TXNL4A: variants seen among roughly 807,000 people sequenced by gnomAD.
The protein encoded by TXNL4A is thioredoxin like 4A, also known as thioredoxin-like protein 4A.
In TXNL4A, 17 loss-of-function variants were observed where a neutral mutation model predicts 14.6. The ratio of observed to expected loss-of-function variants is 1.16; its 90% CI spans 0.80 to 1.74. The LOEUF (loss-of-function observed/expected upper bound fraction) is 1.74. Ranked by LOEUF, TXNL4A falls within the 40% of genes most tolerant of loss-of-function variation. TXNL4A has a pLI of 0.00. For missense variants in TXNL4A, 74 were observed against 195.2 expected, an observed-to-expected ratio of 0.38 and a Z score of 3.70; for synonymous variants, 83 against 70.6, an observed-to-expected ratio of 1.18 and a Z score of -0.88.
intron 1 of TXNL4A, chr18:79,986,521 T>C: frequency 1.0e-6 from 1 of 955,770 alleles, no homozygotes; most frequent in Non-Finnish European, 1.2e-6. Context: ...AGTGATACAG[T>C]GATTCATTCT....
intron 1 of TXNL4A, among the ~76,000 whole-genome samples, chr18:80,005,247 C>G (rs1446414758): frequency 6.6e-6 from 1 of 152,238 alleles, no homozygotes; most frequent in East Asian, 1.9e-4. Flanking sequence ...CGGCCCTGGC[C>G]TCCACCCACC....
chr18:79,977,352 C>T, intron 2 of TXNL4A: 2 of 529,996 alleles, frequency 3.8e-6, no homozygotes, highest in Non-Finnish European at 6.6e-6. Context: ...AATTACACTT[C>T]ACCTAGGTTT....
At chr18:79,976,981 A>C (rs551991842) in intron 2 of TXNL4A, among the ~76,000 whole-genome samples, 5 of 151,614 alleles carry the variant, frequency 3.3e-5, no homozygotes, top group African/African-American at 1.2e-4. Flanking sequence ...TTTTTTTGAG[A>C]CGGAGTTTTG....
At position 79,973,677 on chromosome 18, in the gene TXNL4A, A is replaced by C. The variant is rs2051334865; in HGVS notation, c.*8T>G. The C allele has an allele frequency of 2.5e-6, 4 of 1,607,860 alleles. No individual in the cohort carries two copies. In the African/African-American group the frequency reaches 5.4e-5, roughly 22 times the overall value. The stretch of plus-strand genomic sequence containing the variant: ...CCACGACATTTATCCGCGCAGACTG[A>C]GGGCGCCTCAGTAGCGGTACTTGGT... On this transcript the variant is annotated 3_prime_UTR_variant, in exon 3 of 3. Transcript: ENST00000269601.
chr18:79,975,326 AT>A (rs1377121330), intron 2 of TXNL4A, among the ~76,000 whole-genome samples: 3 of 152,248 alleles, frequency 2.0e-5, no homozygotes, highest in Non-Finnish European at 2.9e-5. Context: ...TGTTTGGTGC[AT>A]AAGTTAACTA....
chr18:80,020,617 C>A (rs1054414352), intron 1 of TXNL4A, among the ~76,000 whole-genome samples: 13 of 152,280 alleles, frequency 8.5e-5, no homozygotes, highest in African/African-American at 3.1e-4. Flanking sequence ...AAACGCCTTC[C>A]CTATGGGAAG....
chr18:80,021,963 G>T (rs958901161), intron 1 of TXNL4A, among the ~76,000 whole-genome samples: 6 of 150,378 alleles, frequency 4.0e-5, no homozygotes, highest in Admixed American at 6.7e-5. Context: ...GGAGCCATAA[G>T]GATGGTGGCT....
intron 1 of TXNL4A, chr18:79,986,759 T>C (rs1360176442): frequency 3.0e-6 from 3 of 985,482 alleles, no homozygotes; most frequent in African/African-American, 3.5e-5. Context: ...ACCTGCAATG[T>C]AGAACAGTGA....
intron 2 of TXNL4A, 125 bp from the exon 3 acceptor site, chr18:79,973,981 A>C: frequency 7.7e-7 from 1 of 1,299,988 alleles, no homozygotes; most frequent in Non-Finnish European, 1.1e-6. Flanking sequence ...AACGCATAAA[A>C]TCGAGAGTGT....
chr18:80,001,237 A>C (rs1410053743), intron 1 of TXNL4A, among the ~76,000 whole-genome samples: 1 of 152,202 alleles, frequency 6.6e-6, no homozygotes, highest in African/African-American at 2.4e-5. Flanking sequence ...GGTGCACAGA[A>C]GTCAAGAATT....
chr18:80,007,937 G>T (rs2051743185), intron 1 of TXNL4A, among the ~76,000 whole-genome samples: 1 of 152,072 alleles, frequency 6.6e-6, no homozygotes, highest in African/African-American at 2.4e-5. Context: ...GTCACCAGAT[G>T]ATTTTTGCCC....
intron 1 of TXNL4A, among the ~76,000 whole-genome samples, chr18:80,020,166 C>T (rs909590616): frequency 2.0e-5 from 3 of 152,218 alleles, no homozygotes; most frequent in Admixed American, 6.5e-5. Flanking sequence ...CCACCATCCA[C>T]GTAAGATGTG....
Position 79,973,811 on chromosome 18 carries a change from C to T in TXNL4A, c.303G>A (p.Lys101=), listed in dbSNP as rs1321286896. ...MIDLGTGNNN[K]INWAMEDKQE... is the part of the protein sequence containing the mutation. ...GCTTGTCCTCCATGGCCCAGTTAATCTTGTTGTTGTTGCCAGTCCCCAAGT... is the reference window on the plus strand; with the variant it reads ...GCTTGTCCTCCATGGCCCAGTTAATTTTGTTGTTGTTGCCAGTCCCCAAGT... The change falls in exon 3 of 3, where the codon AAG becomes AAA. Residue 101 remains lysine, a synonymous_variant. Coordinates refer to ENST00000269601, the MANE Select transcript of TXNL4A (RefSeq NM_006701.5). The T allele has an allele frequency of 6.2e-7, 1 of 1,614,114 alleles. No individual in the cohort carries two copies.
At chr18:80,005,093 A>G (rs1400454738) in intron 1 of TXNL4A, among the ~76,000 whole-genome samples, 1 of 152,260 alleles carries the variant, frequency 6.6e-6, no homozygotes, top group Non-Finnish European at 1.5e-5. Flanking sequence ...GACGTGCAGT[A>G]GAACCATGAG....
At chr18:80,031,164 C>T (rs1331201808) in intron 1 of TXNL4A, among the ~76,000 whole-genome samples, 1 of 152,186 alleles carries the variant, frequency 6.6e-6, no homozygotes, top group Non-Finnish European at 1.5e-5. Flanking sequence ...TTCACCCCTT[C>T]GTTTGGCCAA....
At chr18:79,984,661 G>T (rs1366013628) in intron 1 of TXNL4A, among the ~76,000 whole-genome samples, 1 of 152,162 alleles carries the variant, frequency 6.6e-6, no homozygotes, top group African/African-American at 2.4e-5. Flanking sequence ...TATCACCCAG[G>T]GTGGAGTGCA....
At chr18:80,016,115 A>C (rs1389673391) in intron 1 of TXNL4A, among the ~76,000 whole-genome samples, 1 of 149,350 alleles carries the variant, frequency 6.7e-6, no homozygotes, top group African/African-American at 2.5e-5. Flanking sequence ...ATGGCCAGTG[A>C]TGATGAGCAT....
chr18:79,981,891 T>C (rs953276580), intron 1 of TXNL4A, among the ~76,000 whole-genome samples: 10 of 152,198 alleles, frequency 6.6e-5, no homozygotes, highest in African/African-American at 9.7e-5. Context: ...GAATCCACCA[T>C]GTATGAGGCA....
At chr18:79,977,035 A>C (rs2051390115) in intron 2 of TXNL4A, among the ~76,000 whole-genome samples, 3 of 151,968 alleles carry the variant, frequency 2.0e-5, no homozygotes, top group Admixed American at 2.0e-4. Context: ...ATCTCGGCTA[A>C]CTGCAACCTC....
Sources: allele counts gnomAD v4.1 joint callset (sites outside exome capture counted in the v4.1 genomes callset), GRCh38; gene constraint gnomAD v4.1.1; transcripts MANE v1.5; gene names NCBI Gene and HGNC (gene_info 2026-07-23, HGNC 2026-07-21).